The following LRMDA variants were observed in gnomAD, a reference collection of about 807,000 sequenced individuals.
The protein encoded by LRMDA is leucine rich melanocyte differentiation associated.
Under a neutral mutation model 29.8 loss-of-function variants are expected in LRMDA, and 18 were observed. The ratio of observed to expected loss-of-function variants is 0.60; its 90% confidence interval spans 0.42 to 0.90. The LOEUF (loss-of-function observed/expected upper bound fraction) is 0.90. LRMDA is among the 40% of genes least tolerant of loss of function. The pLI, the probability that LRMDA is intolerant of heterozygous loss-of-function variation, is 0.00. For synonymous variants in LRMDA, 125 were observed against 109.4 expected (o/e 1.14, Z -0.89); for missense variants, 273 against 273.9 (o/e 1.00, Z 0.02).
At chr10:76,117,340 A>T (rs1183397884) in intron 5 of LRMDA, among the ~76,000 whole-genome samples, 1 of 152,190 alleles carries the variant, frequency 6.6e-6, no homozygotes, top group African/African-American at 2.4e-5. Flanking sequence ...TTGATTATGT[A>T]CAATTTTGAT....
chr10:75,909,424 G>A (rs944114829), intron 2 of LRMDA, among the ~76,000 whole-genome samples: 1 of 152,138 alleles, frequency 6.6e-6, no homozygotes, highest in African/African-American at 2.4e-5. Flanking sequence ...CTGCTCTGAT[G>A]TCCCTGCAGC....
At chr10:76,353,037 T>C (rs1841196631) in intron 6 of LRMDA, among the ~76,000 whole-genome samples, 1 of 152,160 alleles carries the variant, frequency 6.6e-6, no homozygotes, top group Non-Finnish European at 1.5e-5. Flanking sequence ...AATGCCTTTC[T>C]TTCCTGTCTA....
intron 2 of LRMDA, among the ~76,000 whole-genome samples, chr10:75,751,665 G>A (rs1842970891): frequency 6.6e-6 from 1 of 152,014 alleles, no homozygotes; most frequent in African/African-American, 2.4e-5. Context: ...CACCATCACT[G>A]TTATCCTCCA....
At chr10:76,055,825 G>A (rs1452014667) in intron 4 of LRMDA, among the ~76,000 whole-genome samples, 1 of 152,224 alleles carries the variant, frequency 6.6e-6, no homozygotes, top group Non-Finnish European at 1.5e-5. Context: ...GCTTGAAGAT[G>A]CCAGGAACCA....
At chr10:75,604,277 A>G (rs1247124543) in intron 2 of LRMDA, among the ~76,000 whole-genome samples, 1 of 152,244 alleles carries the variant, frequency 6.6e-6, no homozygotes, top group Non-Finnish European at 1.5e-5. Flanking sequence ...AAGAAATAAT[A>G]CAGATTATCT....
intron 2 of LRMDA, among the ~76,000 whole-genome samples, chr10:75,955,407 ATGAGT>A (rs778016869): frequency 6.6e-6 from 1 of 152,170 alleles, no homozygotes; most frequent in Middle Eastern, 3.2e-3. Flanking sequence ...GTGATTAAAC[ATGAGT>A]TGGTTGGGAG....
chr10:76,293,117 A>T (rs1308848519), intron 5 of LRMDA, among the ~76,000 whole-genome samples: 1 of 152,110 alleles, frequency 6.6e-6, no homozygotes, highest in Non-Finnish European at 1.5e-5. Flanking sequence ...AGTAGCTGGG[A>T]CTACAGGCAT....
intron 6 of LRMDA, among the ~76,000 whole-genome samples, chr10:76,424,226 C>G (rs1237485624): frequency 6.6e-6 from 1 of 152,112 alleles, no homozygotes. Context: ...ACAATCACAC[C>G]TTACTTAGTA....
At chr10:76,483,906 A>G (rs757124274) in intron 6 of LRMDA, among the ~76,000 whole-genome samples, 4 of 151,864 alleles carry the variant, frequency 2.6e-5, no homozygotes, top group African/African-American at 7.2e-5. Context: ...TCCATTTGCA[A>G]CCATGATGCA....
At chr10:75,852,926 GA>G (rs1283872968) in intron 2 of LRMDA, among the ~76,000 whole-genome samples, 1 of 152,118 alleles carries the variant, frequency 6.6e-6, no homozygotes, top group Non-Finnish European at 1.5e-5. Context: ...GAGACCTCAG[GA>G]AACTTACAAT....
intron 2 of LRMDA, among the ~76,000 whole-genome samples, chr10:75,558,776 G>A (rs1840250824): frequency 6.7e-6 from 1 of 149,214 alleles, no homozygotes; most frequent in Non-Finnish European, 1.5e-5. Context: ...GTGAGAACAT[G>A]TGGTGTTTGG....
chr10:75,713,532 A>G (rs185362316), intron 2 of LRMDA, among the ~76,000 whole-genome samples: 5 of 152,362 alleles, frequency 3.3e-5, no homozygotes, highest in Non-Finnish European at 5.9e-5. Flanking sequence ...TGTTTTTAAA[A>G]TTCCAAAATA....
At chr10:76,340,539 AG>A (rs1841028220) in intron 6 of LRMDA, among the ~76,000 whole-genome samples, 1 of 147,378 alleles carries the variant, frequency 6.8e-6, no homozygotes, top group Admixed American at 6.8e-5. Flanking sequence ...AAAAAAAAAG[AG>A]AGAGAGAGGG....
At chr10:75,638,329 A>G (rs1321172204) in intron 2 of LRMDA, among the ~76,000 whole-genome samples, 1 of 152,172 alleles carries the variant, frequency 6.6e-6, no homozygotes, top group African/African-American at 2.4e-5. Context: ...TTTGCTTCCC[A>G]GGTTTCCTTC....
At chr10:75,992,423 A>G (rs1475111270) in intron 2 of LRMDA, among the ~76,000 whole-genome samples, 2 of 152,110 alleles carry the variant, frequency 1.3e-5, no homozygotes, top group African/African-American at 2.4e-5. Context: ...GAGTTTCCCT[A>G]TTTCTGTGTG....
chr10:75,780,410 G>A (rs1405003019), intron 2 of LRMDA, among the ~76,000 whole-genome samples: 1 of 152,120 alleles, frequency 6.6e-6, no homozygotes, highest in Non-Finnish European at 1.5e-5. Flanking sequence ...TGTACTTTGG[G>A]TACAGTACCA....
At chr10:76,514,187 A>G (rs529118344) in intron 6 of LRMDA, among the ~76,000 whole-genome samples, 85 of 152,308 alleles carry the variant, frequency 5.6e-4, no homozygotes, top group African/African-American at 1.9e-3. Context: ...GATTAAGTCT[A>G]TAGAAGAGGC....
chr10:75,928,491 C>T (rs1181879161), intron 2 of LRMDA, among the ~76,000 whole-genome samples: 2 of 152,162 alleles, frequency 1.3e-5, no homozygotes, highest in East Asian at 3.9e-4. Context: ...ATTACCTCAG[C>T]AGTATCTGAA....
chr10:76,354,145 C>T (rs1841211465), intron 6 of LRMDA, among the ~76,000 whole-genome samples: 1 of 152,074 alleles, frequency 6.6e-6, no homozygotes, highest in African/African-American at 2.4e-5. Flanking sequence ...TATCCCCGTC[C>T]CACCCGAATA....
Sources: gnomAD v4.1 joint callset for allele counts (sites outside exome capture counted in the v4.1 genomes callset) on GRCh38, gnomAD v4.1.1 for gene constraint, MANE v1.5 for transcripts, NCBI Gene and HGNC (gene_info 2026-07-23, HGNC 2026-07-21) for gene names.